The following CORIN variants were observed in gnomAD, a reference collection of about 807,000 sequenced individuals.
The protein encoded by CORIN is atrial natriuretic peptide-converting enzyme.
A neutral mutation model predicts 125.3 loss-of-function variants in CORIN; 117 were observed. The observed-to-expected ratio is 0.93, with a 90% CI of 0.80 to 1.09. CORIN has a LOEUF of 1.09. Among genes scored for constraint, CORIN ranks in the 50% least tolerant of loss-of-function variants. The pLI is 0.00. For missense variants in CORIN, 1,253 were observed against 1,306.7 expected, an observed-to-expected ratio of 0.96 and a Z score of 0.63; for synonymous variants, 450 against 466.4, an observed-to-expected ratio of 0.96 and a Z score of 0.45.
chr4:47,683,448 T>C (rs1725374867), intron 7 of CORIN: 2 of 271,898 alleles, frequency 7.4e-6, no homozygotes, highest in African/African-American at 4.5e-5. Flanking sequence ...ACAGAACACA[T>C]TTGAGGAGAG....
At chr4:47,825,693 AC>A (rs1414431725) in intron 1 of CORIN, among the ~76,000 whole-genome samples, 1 of 141,538 alleles carries the variant, frequency 7.1e-6, no homozygotes, top group Non-Finnish European at 1.6e-5. Context: ...TTTTCAAACC[AC>A]TGCTTTTTTT....
At chr4:47,712,969 G>T (rs930478738) in intron 5 of CORIN, among the ~76,000 whole-genome samples, 6 of 152,032 alleles carry the variant, frequency 3.9e-5, no homozygotes, top group African/African-American at 1.4e-4. Flanking sequence ...GACAATAGAA[G>T]AAATAAGTTT....
chr4:47,609,649 G>T (rs1033281007), intron 19 of CORIN, among the ~76,000 whole-genome samples: 1 of 152,076 alleles, frequency 6.6e-6, no homozygotes, highest in Non-Finnish European at 1.5e-5. Context: ...GTGCAGGTTT[G>T]TTACATAGGT....
intron 3 of CORIN, among the ~76,000 whole-genome samples, chr4:47,768,451 G>C (rs2109881059): frequency 6.6e-6 from 1 of 152,272 alleles, no homozygotes; most frequent in South Asian, 2.1e-4. Flanking sequence ...CTGAAGAAAA[G>C]TGAACATTTG....
intron 16 of CORIN, among the ~76,000 whole-genome samples, chr4:47,633,995 CA>C (rs904645122): frequency 8.6e-5 from 13 of 151,408 alleles, no homozygotes; most frequent in Non-Finnish European, 1.0e-4. Flanking sequence ...ATTCAAAATT[CA>C]AAAAAAATTA....
intron 5 of CORIN, among the ~76,000 whole-genome samples, chr4:47,711,920 C>G (rs1726859869): frequency 6.6e-6 from 1 of 152,212 alleles, no homozygotes; most frequent in Non-Finnish European, 1.5e-5. Flanking sequence ...TGACAGACTT[C>G]AGCAATCCAG....
At chr4:47,663,220 C>CT (rs1724330441) in intron 11 of CORIN, among the ~76,000 whole-genome samples, 1 of 152,116 alleles carries the variant, frequency 6.6e-6, no homozygotes, top group Admixed American at 6.5e-5. Context: ...GGTAGCACCT[C>CT]TGATGATACA....
chr4:47,758,968 A>G (rs1001014111), intron 4 of CORIN, among the ~76,000 whole-genome samples: 1 of 152,242 alleles, frequency 6.6e-6, no homozygotes, highest in Non-Finnish European at 1.5e-5. Context: ...AATAACACAT[A>G]GTAACTGAAA....
intron 19 of CORIN, among the ~76,000 whole-genome samples, chr4:47,612,211 A>C (rs977153811): frequency 6.6e-6 from 1 of 152,286 alleles, no homozygotes; most frequent in Non-Finnish European, 1.5e-5. Flanking sequence ...TAGAGACTTC[A>C]AAGTAAATAT....
chr4:47,754,264 A>T (rs1023934305), intron 4 of CORIN, among the ~76,000 whole-genome samples: 2 of 152,196 alleles, frequency 1.3e-5, no homozygotes, highest in African/African-American at 4.8e-5. Flanking sequence ...ATAATGCCAA[A>T]AAAGCAACTA....
intron 6 of CORIN, among the ~76,000 whole-genome samples, chr4:47,686,028 C>G (rs981409413): frequency 4.7e-5 from 7 of 148,016 alleles, no homozygotes; most frequent in Non-Finnish European, 1.0e-4. Context: ...CAAGTAGCAG[C>G]CACCACTTTA....
chr4:47,656,329 T>C (rs148045065), intron 12 of CORIN, among the ~76,000 whole-genome samples: 249 of 152,192 alleles, frequency 1.6e-3, no homozygotes, highest in Non-Finnish European at 2.5e-3. Flanking sequence ...CTAATTTTTA[T>C]ATTTTTAGTA....
chr4:47,644,985 A>G, intron 14 of CORIN, 96 bp downstream of exon 14: 1 of 644,614 alleles, frequency 1.6e-6, no homozygotes, highest in Non-Finnish European at 2.8e-6. Context: ...AAAGATTTGT[A>G]TGCATATTTA....
chr4:47,652,237 T>C (rs1361579801), intron 13 of CORIN, among the ~76,000 whole-genome samples: 1 of 152,192 alleles, frequency 6.6e-6, no homozygotes, highest in African/African-American at 2.4e-5. Flanking sequence ...CATTGTACCA[T>C]CATTCTGACA....
intron 19 of CORIN, among the ~76,000 whole-genome samples, chr4:47,605,495 G>A (rs1328621795): frequency 6.6e-6 from 1 of 152,160 alleles, no homozygotes; most frequent in Non-Finnish European, 1.5e-5. Flanking sequence ...GATAAAAAAT[G>A]TGGACATTTA....
intron 5 of CORIN, among the ~76,000 whole-genome samples, chr4:47,700,715 A>G (rs1009712089): frequency 3.3e-5 from 5 of 152,146 alleles, no homozygotes; most frequent in African/African-American, 4.8e-5. Flanking sequence ...TGGCTGCCCC[A>G]CACAGCCATT....
At chr4:47,707,427 T>G (rs757769573) in intron 5 of CORIN, among the ~76,000 whole-genome samples, 1 of 152,168 alleles carries the variant, frequency 6.6e-6, no homozygotes, top group Non-Finnish European at 1.5e-5. Context: ...GTCTCTCTGC[T>G]TAAAATATTT....
chr4:47,692,221 G>A (rs1301136452), intron 6 of CORIN, among the ~76,000 whole-genome samples: 1 of 152,220 alleles, frequency 6.6e-6, no homozygotes. Context: ...TAGAACTCTT[G>A]CATGTAGTGT....
intron 2 of CORIN, among the ~76,000 whole-genome samples, chr4:47,792,911 T>A (rs1731139763): frequency 6.6e-6 from 1 of 152,220 alleles, no homozygotes; most frequent in Non-Finnish European, 1.5e-5. Flanking sequence ...ATAAATTAAC[T>A]ATTGTTGTTT....
Sources: gnomAD v4.1 joint callset for allele counts (sites outside exome capture counted in the v4.1 genomes callset) on GRCh38, gnomAD v4.1.1 for gene constraint, MANE v1.5 for transcripts, NCBI Gene and HGNC (gene_info 2026-07-23, HGNC 2026-07-21) for gene names.